The following ANK2 variants were observed in gnomAD, a reference collection of about 807,000 sequenced individuals.
ANK2 encodes ankyrin 2.
In ANK2, 83 loss-of-function variants were observed where a neutral mutation model predicts 360.5. That is an observed-to-expected ratio of 0.23 (90% CI 0.19 to 0.28). The LOEUF (loss-of-function observed/expected upper bound fraction) is 0.28, where lower values mean the gene tolerates loss of function less well. ANK2 is among the 10% of genes least tolerant of loss of function. The pLI, the probability that ANK2 is intolerant of heterozygous loss-of-function variation, is 1.00. For synonymous variants in ANK2, 1,740 were observed against 1,759.5 expected (o/e 0.99, Z 0.28); for missense variants, 4,201 against 4,795.7 (o/e 0.88, Z 3.66).
chr4:112,863,554 G>C (rs867539606), intron 1 of ANK2, among the ~76,000 whole-genome samples: 2 of 119,392 alleles, frequency 1.7e-5, no homozygotes, highest in Non-Finnish European at 3.2e-5. Context: ...ACGGAGTCTC[G>C]CTCTGTCACC....
intron 2 of ANK2, among the ~76,000 whole-genome samples, chr4:113,193,301 C>A (rs1033840999): frequency 1.3e-5 from 2 of 152,108 alleles, no homozygotes; most frequent in African/African-American, 4.8e-5. Context: ...AAATCAGAAA[C>A]CTGTGGAGAC....
At chr4:112,903,895 A>G (rs996012439) in intron 1 of ANK2, among the ~76,000 whole-genome samples, 4 of 152,194 alleles carry the variant, frequency 2.6e-5, no homozygotes, top group Non-Finnish European at 5.9e-5. Context: ...CTATTTTACC[A>G]TGTGTCATGA....
the ANK2 span, chr4:112,738,886 CA>C: frequency 4.5e-6 from 3 of 668,676 alleles, no homozygotes; most frequent in African/African-American, 3.6e-5. Flanking sequence ...AACAAACAAA[CA>C]AAAAAACAAA....
At chr4:112,727,848 G>A in the ANK2 span, among the ~76,000 whole-genome samples, 1 of 151,764 alleles carries the variant, frequency 6.6e-6, no homozygotes, top group South Asian at 2.1e-4. Context: ...GGCGTAGTGG[G>A]GCATGCCTCT....
chr4:113,159,874 G>A (rs2097453794), intron 1 of ANK2, among the ~76,000 whole-genome samples: 1 of 151,704 alleles, frequency 6.6e-6, no homozygotes, highest in South Asian at 2.1e-4. Flanking sequence ...TGCCTGCCTC[G>A]GCCTCCTAAA....
At chr4:112,749,251 C>T in the ANK2 span, among the ~76,000 whole-genome samples, 1 of 152,186 alleles carries the variant, frequency 6.6e-6, no homozygotes, top group Non-Finnish European at 1.5e-5. Flanking sequence ...TTCTATGCTA[C>T]CTGTACATTG....
intron 4 of ANK2, among the ~76,000 whole-genome samples, chr4:113,205,467 A>T (rs1323792200): frequency 1.3e-5 from 2 of 152,050 alleles, no homozygotes; most frequent in East Asian, 3.9e-4. Context: ...TCTCACTGAA[A>T]ATTTATTTCC....
At chr4:113,193,408 A>G (rs1223505772) in intron 2 of ANK2, among the ~76,000 whole-genome samples, 1 of 152,204 alleles carries the variant, frequency 6.6e-6, no homozygotes, top group Non-Finnish European at 1.5e-5. Flanking sequence ...CTAAATCCTT[A>G]ATCCCACCGC....
the ANK2 span, among the ~76,000 whole-genome samples, chr4:112,741,810 G>A: frequency 8.6e-5 from 13 of 152,038 alleles, no homozygotes; most frequent in South Asian, 1.2e-3. Context: ...GTGATACGCC[G>A]TTTCTTAAAA....
chr4:113,117,440 C>A, intron 1 of ANK2: 1 of 456,056 alleles, frequency 2.2e-6, no homozygotes, highest in South Asian at 1.5e-5. Context: ...ATCCTTTTAA[C>A]CCTCTTTCTC....
chr4:112,846,185 G>A (rs901372694), intron 1 of ANK2, among the ~76,000 whole-genome samples: 1 of 151,442 alleles, frequency 6.6e-6, no homozygotes, highest in African/African-American at 2.4e-5. Flanking sequence ...GCACAATTAC[G>A]GCTCACTGCA....
At chr4:113,125,641 CTT>C (rs1229031212) in intron 1 of ANK2, among the ~76,000 whole-genome samples, 1 of 152,096 alleles carries the variant, frequency 6.6e-6, no homozygotes, top group Non-Finnish European at 1.5e-5. Flanking sequence ...TTCTTCCTGT[CTT>C]TATGCTTCTG....
intron 26 of ANK2, among the ~76,000 whole-genome samples, chr4:113,324,606 A>C (rs937674438): frequency 7.2e-5 from 11 of 152,188 alleles, no homozygotes; most frequent in Non-Finnish European, 1.5e-4. Flanking sequence ...ATTTTAAAAA[A>C]TTTGAACCAC....
chr4:113,306,849 A>G (rs2077452477), intron 23 of ANK2, among the ~76,000 whole-genome samples: 1 of 152,228 alleles, frequency 6.6e-6, no homozygotes, highest in Non-Finnish European at 1.5e-5. Flanking sequence ...GATATAAATA[A>G]CATCCTTATG....
intron 1 of ANK2, among the ~76,000 whole-genome samples, chr4:113,119,609 C>A (rs1039855685): frequency 1.3e-5 from 2 of 152,070 alleles, no homozygotes; most frequent in African/African-American, 2.4e-5. Context: ...TTTGCTGATG[C>A]CACTTTATCA....
chr4:112,957,123 A>G (rs1229604268), intron 2 of ANK2, among the ~76,000 whole-genome samples: 2 of 150,648 alleles, frequency 1.3e-5, no homozygotes, highest in Admixed American at 1.3e-4. Flanking sequence ...AAACAAGTGA[A>G]CAAAGGTCTC....
chr4:112,877,173 A>G (rs146065265), intron 1 of ANK2, among the ~76,000 whole-genome samples: 108 of 151,620 alleles, frequency 7.1e-4, no homozygotes, highest in Middle Eastern at 3.4e-3. Flanking sequence ...TTTATCATCT[A>G]TTTCCTCTCC....
chr4:113,163,760 G>T (rs144197568), intron 1 of ANK2, among the ~76,000 whole-genome samples: 7 of 63,338 alleles, frequency 1.1e-4, no homozygotes, highest in African/African-American at 8.7e-5. Flanking sequence ...GTGAAACTTC[G>T]TCTCAAAAAA....
intron 2 of ANK2, among the ~76,000 whole-genome samples, chr4:112,915,763 AAT>A (rs1338609912): frequency 5.3e-5 from 8 of 150,204 alleles, no homozygotes; most frequent in South Asian, 2.1e-4. Flanking sequence ...TCAAAAAAAA[AAT>A]AAATAAATAA....
Sources: gnomAD v4.1 joint callset for allele counts (sites outside exome capture counted in the v4.1 genomes callset) on GRCh38, gnomAD v4.1.1 for gene constraint, MANE v1.5 for transcripts, NCBI Gene and HGNC (gene_info 2026-07-23, HGNC 2026-07-21) for gene names.